PRKAG2: variants seen among roughly 807,000 people sequenced by gnomAD.
The protein encoded by PRKAG2 is protein kinase AMP-activated non-catalytic subunit gamma 2.
Under a neutral mutation model 69.6 loss-of-function variants are expected in PRKAG2, and 26 were observed. The observed-to-expected ratio is 0.37, with a 90% confidence interval of 0.27 to 0.52. PRKAG2 has a LOEUF of 0.52. PRKAG2 is among the 20% of genes least tolerant of loss of function. The pLI is 0.90. For synonymous variants in PRKAG2, 293 were observed against 285.0 expected (o/e 1.03, Z -0.28); for missense variants, 557 against 740.0 (o/e 0.75, Z 2.87).
Position 151,773,038 on chromosome 7 carries a change from A to G in PRKAG2, c.466+8114T>C, listed in dbSNP as rs1480381427. 4.2e-3 allele frequency among the ~76,000 whole-genome samples: 137 copies of G among 32,332 alleles called. 7 individuals are homozygous for G. Among genetic ancestry groups the G allele is most frequent in the African/African-American group, 0.013 (127 of 9,536 alleles). The allele number at this position is 32,332 out of a possible 152,430, so 21.2% of individuals were successfully genotyped here. A position where few individuals can be genotyped will look rare whatever the true frequency, so the allele number is the denominator to read the frequency against. Reference sequence around the variant, plus strand: ...GAAAGAAAGAAAGAGAGAGAGAGAGAGAGAGAGAGAGAGAGGGAGGGAGGG... The same window carrying G: ...GAAAGAAAGAAAGAGAGAGAGAGAGGGAGAGAGAGAGAGAGGGAGGGAGGG... On this transcript the variant is annotated intron_variant, in intron 3 of 15. Coordinates refer to ENST00000287878, the MANE Select transcript of PRKAG2 (RefSeq NM_016203.4).
At chr7:151,679,130 A>G (rs1833423166) in intron 3 of PRKAG2, among the ~76,000 whole-genome samples, 1 of 152,010 alleles carries the variant, frequency 6.6e-6, no homozygotes, top group African/African-American at 2.4e-5. Context: ...AGCAGGCAGG[A>G]CCACAAAAGG....
At chr7:151,606,940 A>G (rs867236151) in intron 5 of PRKAG2, among the ~76,000 whole-genome samples, 1 of 152,232 alleles carries the variant, frequency 6.6e-6, no homozygotes, top group Admixed American at 6.5e-5. Context: ...CTTGCTTTTG[A>G]TATTTTCAGT....
In PRKAG2 at chr7:151,818,359, T is replaced by C. The variant is rs532421129; in HGVS notation, c.115-31818A>G. Among the ~76,000 whole-genome samples the C allele has an allele frequency of 9.6e-5, 11 of 114,036 alleles. No homozygotes were observed. In the South Asian group the frequency reaches 1.7e-3, roughly 18 times the overall value. 74.8% of individuals were successfully genotyped at this position (114,036 alleles called of 152,430 possible). ...GTTAGATTTCTCAGCATCCCAGAAA[T>C]CTAGCACAAATCTTTGCCAAATCCC... On this transcript the variant is annotated intron_variant, in intron 1 of 15. Coordinates refer to ENST00000287878, the MANE Select transcript of PRKAG2 (RefSeq NM_016203.4).
At chr7:151,689,072 C>T (rs1007830210) in intron 3 of PRKAG2, among the ~76,000 whole-genome samples, 2 of 152,210 alleles carry the variant, frequency 1.3e-5, no homozygotes, top group South Asian at 2.1e-4. Context: ...ATCAAGATCA[C>T]GCCTCGCTGG....
intron 1 of PRKAG2, among the ~76,000 whole-genome samples, chr7:151,849,825 A>G (rs995667475): frequency 2.0e-5 from 3 of 152,170 alleles, no homozygotes; most frequent in African/African-American, 7.2e-5. Context: ...GGATGACCTC[A>G]TCTTCGCTAA....
At chr7:151,728,732 C>A (rs1369294559) in intron 3 of PRKAG2, among the ~76,000 whole-genome samples, 2 of 152,166 alleles carry the variant, frequency 1.3e-5, no homozygotes, top group Non-Finnish European at 2.9e-5. Flanking sequence ...CGGCTGCTCC[C>A]AGAGCCACGC....
chr7:151,572,552 T>C (rs1483804737), intron 9 of PRKAG2, 112 bp downstream of exon 9: 3 of 788,562 alleles, frequency 3.8e-6, no homozygotes, highest in Non-Finnish European at 4.3e-6. Context: ...GAATGTTTTA[T>C]ATAACATTTT....
intron 3 of PRKAG2, among the ~76,000 whole-genome samples, chr7:151,715,347 A>AAAAT (rs1461649654): frequency 7.3e-6 from 1 of 136,648 alleles, no homozygotes; most frequent in Non-Finnish European, 1.6e-5. Flanking sequence ...AAAAAAAAAA[A>AAAAT]ATTATTATTA....
chr7:151,813,591 T>C (rs1002012930), intron 1 of PRKAG2, among the ~76,000 whole-genome samples: 3 of 152,014 alleles, frequency 2.0e-5, no homozygotes, highest in Non-Finnish European at 4.4e-5. Flanking sequence ...ATCTAGTACT[T>C]TCCAGCCTGC....
Position 151,850,617 on chromosome 7 carries a change from G to A in PRKAG2, c.114+25890C>T, listed in dbSNP as rs2079545840. 2.0e-5 allele frequency among the ~76,000 whole-genome samples: 3 copies of A among 152,176 alleles called. No individual in the cohort carries two copies. Among genetic ancestry groups the A allele is most frequent in the African/African-American group, 7.2e-5 (3 of 41,440 alleles). ...GATGGACCAATTCCAAAATCCTCAA[G>A]TTCTACACTCCTTCCCGCCTGCCCC... is the stretch of plus-strand genomic sequence containing the variant. On this transcript the variant is annotated intron_variant, in intron 1 of 15. Coordinates refer to ENST00000287878, the MANE Select transcript of PRKAG2 (RefSeq NM_016203.4). This position sits in a 1 kb window ranked among gnomAD's most constrained non-coding sequence, Gnocchi z 4.1.
chr7:151,826,174 C>CTTT (rs946438841), intron 1 of PRKAG2, among the ~76,000 whole-genome samples: 2 of 149,656 alleles, frequency 1.3e-5, no homozygotes, highest in South Asian at 2.1e-4. Context: ...TCCAGTTCCA[C>CTTT]TTTTTTTTTT....
At chr7:151,679,146 C>G (rs538752744) in intron 3 of PRKAG2, among the ~76,000 whole-genome samples, 1 of 151,958 alleles carries the variant, frequency 6.6e-6, no homozygotes, top group Non-Finnish European at 1.5e-5. Context: ...AAAGGGCTGC[C>G]GGCCCATCCG....
chr7:151,811,567 C>A (rs1455132867), intron 1 of PRKAG2, among the ~76,000 whole-genome samples: 2 of 152,260 alleles, frequency 1.3e-5, no homozygotes, highest in Non-Finnish European at 2.9e-5. Flanking sequence ...AGGGCCTTAA[C>A]TCACACTTGT....
rs565086022 is a variant in PRKAG2 at position 151,567,024 on chromosome 7, A to T, written c.1234-1139T>A. On this transcript the variant is annotated intron_variant, in intron 11 of 15. Transcript: ENST00000287878. This position sits in a 1 kb window ranked among gnomAD's most constrained non-coding sequence, Gnocchi z 4.2. Reference sequence around the variant, plus strand: ...CTTTTTATAGAAGATAAAAATCTGAAGCAGCTCTGCAAAAGAATGATCTCA... The same window carrying T: ...CTTTTTATAGAAGATAAAAATCTGATGCAGCTCTGCAAAAGAATGATCTCA... Among the ~76,000 whole-genome samples, 1 of 152,346 alleles carries T rather than the reference A, an allele frequency of 6.6e-6. No homozygotes were observed. Among genetic ancestry groups the T allele is most frequent in the South Asian group, 2.1e-4 (1 of 4,828 alleles).
chr7:151,816,728 G>T (rs1012273727), intron 1 of PRKAG2, among the ~76,000 whole-genome samples: 5 of 152,262 alleles, frequency 3.3e-5, no homozygotes, highest in African/African-American at 1.2e-4. Context: ...TGGTCGACCA[G>T]AGATCCGGCC....
At chr7:151,720,818 T>G (rs1395651128) in intron 3 of PRKAG2, among the ~76,000 whole-genome samples, 2 of 96,620 alleles carry the variant, frequency 2.1e-5, no homozygotes, top group Non-Finnish European at 2.0e-5. Context: ...ATGGAGGGTT[T>G]GGAGGGGATA....
chr7:151,595,195 T>C (rs1814165057), intron 6 of PRKAG2, 150 bp downstream of exon 6: 3 of 639,022 alleles, frequency 4.7e-6, no homozygotes, highest in Non-Finnish European at 8.3e-6. Flanking sequence ...GTTGCCAAGA[T>C]GTTGAGAATT....
Position 151,850,851 on chromosome 7 carries a change from T to C in PRKAG2, c.114+25656A>G, listed in dbSNP as rs915448959. Among the ~76,000 whole-genome samples the C allele has an allele frequency of 6.6e-6, 1 of 152,184 alleles. No homozygotes were observed. The highest frequency in any genetic ancestry group is 1.5e-5 in the Non-Finnish European group (1 of 68,036). On this transcript the variant is annotated intron_variant, in intron 1 of 15. Transcript: ENST00000287878. This position sits in a 1 kb window ranked among gnomAD's most constrained non-coding sequence, Gnocchi z 4.1. ...ATCTAGTCCCTCCCCCCACAGTCAC[T>C]GATGGTGTCACTGAAAGCCGAGTCT...
chr7:151,855,920 A>T (rs1467568055), intron 1 of PRKAG2, among the ~76,000 whole-genome samples: 1 of 152,214 alleles, frequency 6.6e-6, no homozygotes, highest in Non-Finnish European at 1.5e-5. Flanking sequence ...CAATGCAGTT[A>T]CATAAAATAC....
Sources: gnomAD v4.1 joint callset for allele counts (sites outside exome capture counted in the v4.1 genomes callset) on GRCh38, gnomAD v4.1.1 for gene constraint, Gnocchi (gnomAD v3.1) non-coding constraint, MANE v1.5 for transcripts, NCBI Gene and HGNC (gene_info 2026-07-23, HGNC 2026-07-21) for gene names.